The following ADGRV1 variants were observed in gnomAD, a reference collection of about 807,000 sequenced individuals.
ADGRV1 encodes G-protein coupled receptor 98.
A neutral mutation model predicts 596.2 loss-of-function variants in ADGRV1; 359 were observed. The ratio of observed to expected loss-of-function variants is 0.60; its 90% CI spans 0.55 to 0.66. The LOEUF is 0.66. ADGRV1 is among the 30% of genes least tolerant of loss of function. The pLI is 0.00. For synonymous variants in ADGRV1, 2,681 were observed against 2,679.2 expected (o/e 1.00, Z -0.02); for missense variants, 7,274 against 7,575.6 (o/e 0.96, Z 1.48).
At chr5:90,929,068 G>T (rs1367261513) in intron 83 of ADGRV1, among the ~76,000 whole-genome samples, 2 of 151,310 alleles carry the variant, frequency 1.3e-5, no homozygotes, top group African/African-American at 2.4e-5. Context: ...GTCTGCAGAG[G>T]TTACTGCTGT....
intron 85 of ADGRV1, among the ~76,000 whole-genome samples, chr5:91,019,308 A>G (rs1783433049): frequency 6.6e-6 from 1 of 152,046 alleles, no homozygotes; most frequent in South Asian, 2.1e-4. Flanking sequence ...ACACAGGTAC[A>G]CCATAATTAG....
intron 85 of ADGRV1, among the ~76,000 whole-genome samples, chr5:91,026,833 C>T (rs551111191): frequency 6.6e-6 from 1 of 152,076 alleles, no homozygotes; most frequent in East Asian, 1.9e-4. Flanking sequence ...ACCCACAGAA[C>T]CAGAAATTAG....
At chr5:91,099,901 T>G (rs550489804) in intron 86 of ADGRV1, among the ~76,000 whole-genome samples, 243 of 152,304 alleles carry the variant, frequency 1.6e-3, no homozygotes, top group Admixed American at 2.7e-3. Context: ...GTATCCTCTA[T>G]CTACTAAGAG....
intron 87 of ADGRV1, among the ~76,000 whole-genome samples, chr5:91,116,190 A>G (rs970499068): frequency 1.3e-5 from 2 of 152,236 alleles, no homozygotes; most frequent in African/African-American, 2.4e-5. Flanking sequence ...AGTCCTGCAG[A>G]ATAAACCAAT....
rs761111332 is a variant in ADGRV1, at chr5:90,622,678, G to A, written c.535G>A (p.Gly179Arg). 4 of 1,544,958 alleles carry A rather than the reference G, an allele frequency of 2.6e-6. No individual in the cohort carries two copies. The highest frequency in any genetic ancestry group is 3.5e-6 in the Non-Finnish European group (4 of 1,140,456). ...LTLIREKGTY[G>R]MVMVTFEVEG... ...TCTCATCAGGGAAAAGGGAACCTATGGAATGGTCATGGTGACTTTTGAGGT... is the reference window on the plus strand; with the variant it reads ...TCTCATCAGGGAAAAGGGAACCTATAGAATGGTCATGGTGACTTTTGAGGT... The change falls in exon 5 of 90, where the codon GGA becomes AGA. Residue 179 changes from glycine (G) to arginine (R), a missense_variant. By Grantham distance (125) the Gly-to-Arg change is moderately radical. Transcript: ENST00000405460.
chr5:90,829,020 G>A lies in ADGRV1; in HGVS notation c.16445G>A (p.Arg5482Lys). ...GGAGCAGCAATAAACAACAGTGCCA[G>A]ATTCGCACAGATTAAAATCTTAGAA... is the stretch of plus-strand genomic sequence containing the variant. ...TAGAAINNSA[R>K]FAQIKILESD... The change falls in exon 77 of 90, where the codon AGA becomes AAA. Residue 5482 changes from arginine (R) to lysine (K), a missense_variant. By Grantham distance (26) the Arg-to-Lys change is conservative (BLOSUM62 2). Around this residue, in one of 5 missense-constraint regions of ADGRV1, gnomAD observed 1,874 missense variants for 1,970.2 expected, o/e 0.95. Coordinates refer to ENST00000405460, the MANE Select transcript of ADGRV1 (RefSeq NM_032119.4). The A allele has an allele frequency of 6.2e-7, 1 of 1,612,330 alleles. No individual in the cohort carries two copies.
chr5:90,588,730 C>T (rs1759095185), intron 1 of ADGRV1, among the ~76,000 whole-genome samples: 1 of 152,164 alleles, frequency 6.6e-6, no homozygotes, highest in Non-Finnish European at 1.5e-5. Context: ...GTATTGCTAT[C>T]CTTTCGTATG....
intron 86 of ADGRV1, among the ~76,000 whole-genome samples, chr5:91,076,859 CT>C (rs917412106): frequency 9.9e-5 from 15 of 151,624 alleles, no homozygotes; most frequent in African/African-American, 3.4e-4. Flanking sequence ...CCAGATAATT[CT>C]TTTTTTATTT....
rs12655900 is a variant in ADGRV1 at position 90,828,368 on chromosome 5, C to G, written c.16369-576C>G. On this transcript the variant is annotated intron_variant, in intron 76 of 89. Transcript: ENST00000405460. ...TTTTCCCCCTCCTCAGTAATATTCT[C>G]CAACTCCACTCCCTGCCCTGTCCCC... 0.027 allele frequency among the ~76,000 whole-genome samples: 4,131 copies of G among 152,006 alleles called. 279 individuals carry two copies. The East Asian group carries it at 0.28, about 10-fold the overall frequency.
At chr5:90,806,896 A>G (rs1214527812) in intron 72 of ADGRV1, among the ~76,000 whole-genome samples, 2 of 151,752 alleles carry the variant, frequency 1.3e-5, no homozygotes, top group East Asian at 3.9e-4. Flanking sequence ...TCTGTCACCC[A>G]TGCTGGAATG....
intron 1 of ADGRV1, among the ~76,000 whole-genome samples, chr5:90,564,732 T>C (rs1459376960): frequency 1.6e-5 from 1 of 62,622 alleles, no homozygotes; most frequent in Non-Finnish European, 3.1e-5. Context: ...GTTCACGCCA[T>C]TCTCCTGCCT....
At chr5:90,623,693 A>G (rs1344448478) in intron 5 of ADGRV1, among the ~76,000 whole-genome samples, 2 of 152,160 alleles carry the variant, frequency 1.3e-5, no homozygotes, top group African/African-American at 2.4e-5. Context: ...GATTACAGTC[A>G]TGACCCACCA....
At chr5:91,014,136 C>CACACACACACACACACACACACACACACA (rs1782962720) in intron 85 of ADGRV1, among the ~76,000 whole-genome samples, 1 of 35,638 alleles carries the variant, frequency 2.8e-5, no homozygotes, top group Non-Finnish European at 6.5e-5. Context: ...TTCACAATTG[C>CACACACACACACACACACACACACACACA]CACACACACA....
intron 83 of ADGRV1, among the ~76,000 whole-genome samples, chr5:90,875,642 G>T (rs1035764474): frequency 6.6e-6 from 1 of 152,208 alleles, no homozygotes; most frequent in African/African-American, 2.4e-5. Context: ...TCAGGTAGGT[G>T]CTCTGCAAAT....
intron 85 of ADGRV1, among the ~76,000 whole-genome samples, chr5:91,016,434 G>A (rs751828500): frequency 6.6e-6 from 1 of 151,782 alleles, no homozygotes; most frequent in Admixed American, 6.6e-5. Flanking sequence ...TCATTTACCT[G>A]GTCTCTTTTT....
Position 90,763,686 on chromosome 5 carries a change from G to A in ADGRV1, c.12285+217G>A, listed in dbSNP as rs116228062. ...ACCCACACCCCACTCCTACCCTGCT[G>A]CCTCAAGTAGTCCCCAGTGTCTGTT... On this transcript the variant is annotated intron_variant, in intron 59 of 89. Coordinates refer to ENST00000405460, the MANE Select transcript of ADGRV1 (RefSeq NM_032119.4). Among the ~76,000 whole-genome samples the A allele has an allele frequency of 0.039, 5,923 of 152,140 alleles. 423 individuals carry two copies. Among genetic ancestry groups the A allele is most frequent in the African/African-American group, 0.14 (5,636 of 41,466 alleles).
At chr5:90,597,669 A>G (rs1471579016) in intron 1 of ADGRV1, among the ~76,000 whole-genome samples, 1 of 152,132 alleles carries the variant, frequency 6.6e-6, no homozygotes, top group Non-Finnish European at 1.5e-5. Flanking sequence ...GAGAATGGGA[A>G]GTTGTTTGTA....
chr5:90,952,864 A>G (rs929607263), intron 83 of ADGRV1, among the ~76,000 whole-genome samples: 1 of 152,062 alleles, frequency 6.6e-6, no homozygotes, highest in Non-Finnish European at 1.5e-5. Flanking sequence ...GTATCAGGAC[A>G]TGTTTTTTTA....
intron 59 of ADGRV1, among the ~76,000 whole-genome samples, chr5:90,773,278 A>G (rs1757886420): frequency 6.6e-6 from 1 of 152,088 alleles, no homozygotes; most frequent in South Asian, 2.1e-4. Flanking sequence ...AGTGAATAAT[A>G]TGATGGGAAG....
Sources: gnomAD v4.1 joint callset for allele counts (sites outside exome capture counted in the v4.1 genomes callset) on GRCh38, gnomAD v4.1.1 for gene constraint, gnomAD v4.1.1 regional missense constraint, MANE v1.5 for transcripts, NCBI Gene and HGNC (gene_info 2026-07-23, HGNC 2026-07-21) for gene names.